Variants in AGBL5 observed in about 807,000 individuals in gnomAD.
AGBL5 encodes AGBL carboxypeptidase 5, also known as cytosolic carboxypeptidase-like protein 5.
AGBL5 carries 51 observed loss-of-function variants against 88.0 expected under a neutral mutation model. The observed-to-expected ratio is 0.58, with a 90% CI of 0.46 to 0.73. The LOEUF (loss-of-function observed/expected upper bound fraction) is 0.73. Ranked by LOEUF, AGBL5 falls within the 30% of genes least tolerant of loss-of-function variation. The pLI is 0.00. For synonymous variants in AGBL5, 446 were observed against 438.8 expected, an observed-to-expected ratio of 1.02 and a Z score of -0.21; for missense variants, 1,031 against 1,162.2, an observed-to-expected ratio of 0.89 and a Z score of 1.64.
At position 27,068,710 on chromosome 2, in the gene AGBL5, G is replaced by C. The variant is rs914834807; in HGVS notation, c.2321G>C (p.Gly774Ala). The change falls in exon 13 of 15, where the codon GGA becomes GCA. Residue 774 changes from glycine (G) to alanine (A), a missense_variant. By Grantham distance (60) the Gly-to-Ala change is moderately conservative (BLOSUM62 0). This residue lies in a region of AGBL5 where 491 missense variants were observed against 484.0 expected (regional missense o/e 1.01). Coordinates refer to ENST00000360131, the MANE Select transcript of AGBL5 (RefSeq NM_021831.6). ...MVIGKGLLGT[G>A]ARMPCIKTRL... is the part of the protein sequence containing the mutation. ...ATCGGGAAAGGTCTGCTAGGGACTG[G>C]AGCTCGGATGCCCTGCATCAAGACT... 5 of 1,614,166 alleles carry C rather than the reference G, an allele frequency of 3.1e-6. No individual in the cohort carries two copies. The highest frequency in any genetic ancestry group is 4.2e-6 in the Non-Finnish European group (5 of 1,180,018).
At chr2:27,052,156 A>G (rs1668187719) in intron 1 of AGBL5, 1 of 152,220 alleles carries the variant, frequency 6.6e-6, no homozygotes, top group Non-Finnish European at 1.5e-5. Flanking sequence ...GGTGCTGAGA[A>G]CACCCATTAC....
Position 27,054,035 on chromosome 2 carries a change from C to T in AGBL5, c.527C>T (p.Pro176Leu), listed in dbSNP as rs142859717. 2.5e-4 allele frequency: 396 copies of T among 1,613,750 alleles called. No individual in the cohort carries two copies. The highest frequency in any genetic ancestry group is 2.9e-4 in the Non-Finnish European group (343 of 1,179,762). The change falls in exon 4 of 15, where the codon CCG becomes CTG. Residue 176 changes from proline to leucine, a missense_variant. Physicochemically the swap from Pro to Leu is moderately conservative, Grantham distance 98 (BLOSUM62 -3). Around this residue, in one of 2 missense-constraint regions of AGBL5, gnomAD observed 540 missense variants for 678.2 expected, o/e 0.80. Coordinates refer to ENST00000360131, the MANE Select transcript of AGBL5 (RefSeq NM_021831.6). ...ELLNQLDQRF[P>L]ENHPTHSSPL... ...CTAAACCAGCTAGACCAGCGCTTTC[C>T]GGAGAACCACCCTACCCATAGCAGG...
At chr2:27,069,738 C>T in intron 14 of AGBL5, 32 bp downstream of exon 14, 1 of 1,587,756 alleles carries the variant, frequency 6.3e-7, no homozygotes, top group Non-Finnish European at 8.6e-7. Context: ...CTCACACCAC[C>T]CCTCACTTCT....
chr2:27,058,546 T>C lies in AGBL5; in HGVS notation c.1818T>C (p.Thr606=). ...HVRNSRGLSS[T]LNVGVNKKRG... ...GCAACAGCCGAGGCCTAAGCAGCAC[T>C]CTGAATGTGGGTGTCAACAAGAAGA... is the stretch of plus-strand genomic sequence containing the variant. The change falls in exon 10 of 15, where the codon ACT becomes ACC. Residue 606 remains threonine (T), a synonymous_variant. Coordinates refer to ENST00000360131, the MANE Select transcript of AGBL5 (RefSeq NM_021831.6). 1 of 1,614,116 alleles carries C rather than the reference T, an allele frequency of 6.2e-7. No homozygotes were observed. The highest frequency in any genetic ancestry group is 1.1e-5 in the South Asian group (1 of 91,076).
intron 14 of AGBL5, 62 bp from the exon 15 acceptor site, chr2:27,070,030 T>A: frequency 6.4e-7 from 1 of 1,559,274 alleles, no homozygotes. Flanking sequence ...AGCCCCTGGT[T>A]AGCAGAACAG....
At position 27,056,682 on chromosome 2, in the gene AGBL5, G is replaced by A; in HGVS notation, c.1425G>A (p.Gln475=). 6.2e-7 allele frequency: 1 copy of A among 1,613,560 alleles called. No individual in the cohort carries two copies. Among genetic ancestry groups the A allele is most frequent in the Middle Eastern group, 1.7e-4 (1 of 6,054 alleles). ...TGAATTCAGCCCACTTCGACTTCCA[G>A]GGCTGCAATTTCTCAGAGAAGAATA... The part of the protein sequence containing the change: ...ISLNSAHFDF[Q]GCNFSEKNMY... The change falls in exon 8 of 15, where the codon CAG becomes CAA. Residue 475 remains glutamine, a synonymous_variant. Coordinates refer to ENST00000360131, the MANE Select transcript of AGBL5 (RefSeq NM_021831.6).
rs1668394566 is a variant in AGBL5, at chr2:27,055,769, G to C, written c.996G>C (p.Val332=). ...CGGCCATCTATGGGGCCAAAGCTGT[G>C]CTTCTCTACCACCATGTGCACTCTC... ...LHPAIYGAKA[V]LLYHHVHSRL... Residue 332 remains valine, a synonymous_variant, in exon 7 of 15, where the codon GTG becomes GTC. Transcript: ENST00000360131. The C allele has an allele frequency of 6.2e-7, 1 of 1,614,032 alleles. No individual in the cohort carries two copies. Among genetic ancestry groups the C allele is most frequent in the Non-Finnish European group, 8.5e-7 (1 of 1,180,044 alleles).
At chr2:27,050,814 T>C (rs982839735), upstream of AGBL5, among the ~76,000 whole-genome samples, 1 of 152,210 alleles carries the variant, frequency 6.6e-6, no homozygotes, top group South Asian at 2.1e-4. Context: ...AGCGGAGGAC[T>C]GTAGTGGATA....
chr2:27,058,383 A>C lies in AGBL5; in HGVS notation c.1672-17A>C. ...TGGGAGGACCAGCATGCTGAGCCAA[A>C]CTGGACTACCCCACAGGTGGGACGA... On this transcript the variant is annotated splice_polypyrimidine_tract_variant and intron_variant, in intron 9 of 14. Transcript: ENST00000360131. 6.2e-7 allele frequency: 1 copy of C among 1,612,520 alleles called. No homozygotes were observed. Among genetic ancestry groups the C allele is most frequent in the Middle Eastern group, 2.1e-4 (1 of 4,698 alleles).
chr2:27,056,574 C>T lies in AGBL5; in HGVS notation c.1366-49C>T, dbSNP rs547115934. ...CATACTTGCTATCTCTTCCTTGCAC[C>T]TTGTCCCTTCTGTCTCTCCTTCTGA... is the stretch of plus-strand genomic sequence containing the variant. On this transcript the variant is annotated intron_variant, in intron 7 of 14. Coordinates refer to ENST00000360131, the MANE Select transcript of AGBL5 (RefSeq NM_021831.6). The T allele has an allele frequency of 1.2e-5, 19 of 1,525,214 alleles. No homozygotes were observed. The South Asian group carries it at 1.6e-4, about 13-fold the overall frequency. The allele number at this position is 1,525,214 out of a possible 1,614,324, so 94.5% of individuals were successfully genotyped here.
At chr2:27,061,613 C>T (rs1489149050) in intron 11 of AGBL5, 1 of 152,200 alleles carries the variant, frequency 6.6e-6, no homozygotes, top group Non-Finnish European at 1.5e-5. Context: ...GGTGATCCAC[C>T]AGCCTCATCC....
intron 11 of AGBL5, chr2:27,059,673 C>T (rs1668615604): frequency 3.0e-6 from 2 of 667,428 alleles, no homozygotes; most frequent in Admixed American, 6.1e-5. Context: ...GGATGAAACA[C>T]TAGCTGAAGC....
intron 13 of AGBL5, 123 bp from the exon 14 acceptor site, chr2:27,069,450 G>A: frequency 1.3e-6 from 2 of 1,516,540 alleles, no homozygotes; most frequent in Non-Finnish European, 1.8e-6. Flanking sequence ...AGAATTCAAT[G>A]TCCCAGTACC....
At chr2:27,056,566 C>A in intron 7 of AGBL5, 57 bp from the exon 8 acceptor site, 1 of 1,484,580 alleles carries the variant, frequency 6.7e-7, no homozygotes, top group Non-Finnish European at 9.2e-7. Context: ...GCTATCTCTT[C>A]CTTGCACCTT....
At position 27,055,197 on chromosome 2, in the gene AGBL5, C is replaced by T. The variant is rs373322749; in HGVS notation, c.852C>T (p.Phe284=). 1.7e-5 allele frequency: 27 copies of T among 1,614,074 alleles called. No individual in the cohort carries two copies. The highest frequency in any genetic ancestry group is 4.0e-5 in the African/African-American group (3 of 74,918). The change falls in exon 6 of 15, where the codon TTC becomes TTT. Residue 284 remains phenylalanine (F), a synonymous_variant. Transcript: ENST00000360131. ...GGGCCCAAACCCTCCGTCGCCTCTT[C>T]GTCTTTAAGCTGATTCCCATGTTGA... is the stretch of plus-strand genomic sequence containing the variant. ...DPRAQTLRRL[F]VFKLIPMLNP...
chr2:27,061,073 CTTTT>C (rs1032951524), intron 11 of AGBL5: 2 of 151,994 alleles, frequency 1.3e-5, no homozygotes, highest in Admixed American at 6.6e-5. Context: ...TCCTTTCCTT[CTTTT>C]TTTGAGACAG....
chr2:27,068,818 G>A (rs1038066758), intron 13 of AGBL5, 74 bp downstream of exon 13: 4 of 1,583,924 alleles, frequency 2.5e-6, no homozygotes, highest in Non-Finnish European at 3.4e-6. Flanking sequence ...GGTAGTGGGA[G>A]GGAAAATGCT....
chr2:27,063,529 A>ACCT (rs1348274272), intron 11 of AGBL5, among the ~76,000 whole-genome samples: 2 of 150,804 alleles, frequency 1.3e-5, no homozygotes, highest in Non-Finnish European at 2.9e-5. Context: ...CAGGAGGCGG[A>ACCT]GCTGGCAGTG....
chr2:27,070,423 AG>A lies in AGBL5; in HGVS notation c.*161del, dbSNP rs1669231011. On this transcript the variant is annotated 3_prime_UTR_variant, in exon 15 of 15. Transcript: ENST00000360131. ...GCATTACAGAGTATCACCTTGAGACAGAACAAAACAGGGACCTGCCACCCCT... is the reference window on the plus strand; with the variant it reads ...GCATTACAGAGTATCACCTTGAGACAAACAAAACAGGGACCTGCCACCCCT... 1.5e-6 allele frequency: 1 copy of A among 679,272 alleles called. No homozygotes were observed. Among genetic ancestry groups the A allele is most frequent in the Non-Finnish European group, 2.4e-6 (1 of 412,792 alleles). 42.1% of individuals were successfully genotyped at this position (679,272 alleles called of 1,614,324 possible).
Sources: gnomAD v4.1 joint callset for allele counts (sites outside exome capture counted in the v4.1 genomes callset) on GRCh38, gnomAD v4.1.1 for gene constraint, gnomAD v4.1.1 regional missense constraint, MANE v1.5 for transcripts, NCBI Gene and HGNC (gene_info 2026-07-23, HGNC 2026-07-21) for gene names.